The following STK39 variants were observed in gnomAD, a reference collection of about 807,000 sequenced individuals.
STK39 encodes serine/threonine kinase 39.
Under a neutral mutation model 77.8 loss-of-function variants are expected in STK39, and 20 were observed. That is an observed-to-expected ratio of 0.26 (90% CI 0.18 to 0.37). STK39 has a LOEUF of 0.37. Among genes scored for constraint, STK39 ranks in the 10% least tolerant of loss-of-function variants. STK39 has a pLI of 1.00. For missense variants in STK39, 479 were observed against 656.5 expected, an observed-to-expected ratio of 0.73 and a Z score of 2.95; for synonymous variants, 246 against 234.1, an observed-to-expected ratio of 1.05 and a Z score of -0.47.
chr2:168,071,990 G>T (rs116051629), intron 12 of STK39, among the ~76,000 whole-genome samples: 5 of 152,064 alleles, frequency 3.3e-5, no homozygotes, highest in African/African-American at 7.2e-5. Context: ...TAAGGGAATG[G>T]TATTTGTAAT....
chr2:168,012,167 G>GA (rs920759658), intron 16 of STK39, among the ~76,000 whole-genome samples: 6 of 150,466 alleles, frequency 4.0e-5, no homozygotes, highest in African/African-American at 1.5e-4. Context: ...AAGAGCTTTT[G>GA]AAAAAAAGAA....
intron 1 of STK39, among the ~76,000 whole-genome samples, chr2:168,186,311 G>A (rs916362863): frequency 6.6e-6 from 1 of 152,192 alleles, no homozygotes; most frequent in Admixed American, 6.5e-5. Flanking sequence ...ATACATTTCT[G>A]TTGTTTAAGC....
intron 2 of STK39, among the ~76,000 whole-genome samples, chr2:168,170,886 A>C (rs1355106997): frequency 2.0e-5 from 3 of 152,188 alleles, no homozygotes; most frequent in African/African-American, 7.2e-5. Context: ...AAAAGGGTAA[A>C]AACTTCATTG....
At chr2:168,081,654 CA>C (rs1315965093) in intron 10 of STK39, among the ~76,000 whole-genome samples, 1 of 152,034 alleles carries the variant, frequency 6.6e-6, no homozygotes, top group Non-Finnish European at 1.5e-5. Context: ...TGGGAGGGGC[CA>C]GGGGCAGAAT....
intron 1 of STK39, among the ~76,000 whole-genome samples, chr2:168,245,809 G>A (rs193244373): frequency 8.5e-5 from 13 of 152,316 alleles, no homozygotes; most frequent in Admixed American, 7.2e-4. Context: ...GTGACATGAA[G>A]ACTCATCCCT....
intron 5 of STK39, among the ~76,000 whole-genome samples, chr2:168,149,203 T>C (rs1375646837): frequency 6.6e-6 from 1 of 152,096 alleles, no homozygotes; most frequent in Non-Finnish European, 1.5e-5. Flanking sequence ...AGTAATACAG[T>C]ACAGGCCCTT....
intron 16 of STK39, among the ~76,000 whole-genome samples, chr2:167,965,176 ACATTTGAACC>A (rs1692120478): frequency 6.6e-6 from 1 of 152,154 alleles, no homozygotes; most frequent in African/African-American, 2.4e-5. Context: ...GAAGGTCAGC[ACATTTGAACC>A]CCTGTCCTAT....
chr2:168,066,793 G>A (rs1321028804), intron 12 of STK39, among the ~76,000 whole-genome samples: 3 of 152,192 alleles, frequency 2.0e-5, no homozygotes, highest in African/African-American at 7.2e-5. Context: ...TGAATACAAC[G>A]AGGGGACCAC....
intron 10 of STK39, among the ~76,000 whole-genome samples, chr2:168,120,713 C>T (rs994984943): frequency 6.6e-6 from 1 of 152,034 alleles, no homozygotes; most frequent in African/African-American, 2.4e-5. Flanking sequence ...TTATTTTGTC[C>T]CAACCACTAT....
At chr2:168,041,299 T>C (rs1198189978) in intron 14 of STK39, among the ~76,000 whole-genome samples, 1 of 150,368 alleles carries the variant, frequency 6.7e-6, no homozygotes, top group African/African-American at 2.4e-5. Context: ...TATTATTATA[T>C]TATTTAAAAT....
intron 1 of STK39, among the ~76,000 whole-genome samples, chr2:168,220,609 CAA>C (rs1197275352): frequency 6.6e-6 from 1 of 152,024 alleles, no homozygotes; most frequent in Non-Finnish European, 1.5e-5. Context: ...TAGTCAACGC[CAA>C]AAGAGATGTC....
chr2:168,224,038 A>G (rs1690245245), intron 1 of STK39, among the ~76,000 whole-genome samples: 4 of 152,110 alleles, frequency 2.6e-5, no homozygotes, highest in African/African-American at 9.7e-5. Context: ...TAAACACACA[A>G]ATATATCTTT....
intron 4 of STK39, among the ~76,000 whole-genome samples, chr2:168,162,146 C>T (rs573450331): frequency 1.3e-5 from 2 of 152,076 alleles, no homozygotes; most frequent in East Asian, 1.9e-4. Context: ...ATTAGTTGGG[C>T]ATGGTGGCAG....
At chr2:168,060,254 G>A (rs1685630268) in intron 14 of STK39, among the ~76,000 whole-genome samples, 1 of 152,096 alleles carries the variant, frequency 6.6e-6, no homozygotes, top group Non-Finnish European at 1.5e-5. Flanking sequence ...CAACTGCTAT[G>A]TACTGAATCG....
chr2:168,161,898 G>T, intron 4 of STK39, 56 bp from the exon 5 acceptor site: 1 of 1,291,712 alleles, frequency 7.7e-7, no homozygotes, highest in Non-Finnish European at 1.1e-6. Flanking sequence ...ATAGTGTATT[G>T]ATTCACTCAG....
chr2:168,105,750 G>C (rs1180756216), intron 10 of STK39, among the ~76,000 whole-genome samples: 1 of 152,074 alleles, frequency 6.6e-6, no homozygotes, highest in Non-Finnish European at 1.5e-5. Flanking sequence ...TAACCAAAAG[G>C]GCAAGACCTT....
rs1013650104 is a variant in STK39 at position 168,063,665 on chromosome 2, C to A, written c.1306-95G>T. 32 of 1,194,780 alleles carry A rather than the reference C, an allele frequency of 2.7e-5. No individual in the cohort carries two copies. The African/African-American group carries it at 5.0e-4, about 19-fold the overall frequency. 74.0% of individuals were successfully genotyped at this position (1,194,780 alleles called of 1,614,324 possible). On this transcript the variant is annotated intron_variant, in intron 13 of 17. Transcript: ENST00000355999. The stretch of plus-strand genomic sequence containing the variant: ...ACTTGATTCATATAGCCATTTCTTT[C>A]TGGAAATTTCAAAACTAGATCTTTA...
rs1044388562 is a variant in STK39 at position 168,200,495 on chromosome 2, T to C, written c.209-18405A>G. 5.5e-5 allele frequency among the ~76,000 whole-genome samples: 8 copies of C among 146,372 alleles called. No individual in the cohort carries two copies. In the South Asian group the frequency reaches 8.8e-4, roughly 16 times the overall value. On this transcript the variant is annotated intron_variant, in intron 1 of 17. Coordinates refer to ENST00000355999, the MANE Select transcript of STK39 (RefSeq NM_013233.3). ...GCCTGCCCAGCATGGTGAAACCCCA[T>C]CTCTACTAAAAATACAAAAAAAAAA...
intron 14 of STK39, among the ~76,000 whole-genome samples, chr2:168,017,617 C>G (rs1346154311): frequency 6.6e-6 from 1 of 152,046 alleles, no homozygotes; most frequent in Non-Finnish European, 1.5e-5. Flanking sequence ...GGTGATCCCC[C>G]CAGCCTCGGC....
Sources: allele counts gnomAD v4.1 joint callset (sites outside exome capture counted in the v4.1 genomes callset), GRCh38; gene constraint gnomAD v4.1.1; transcripts MANE v1.5; gene names NCBI Gene and HGNC (gene_info 2026-07-23, HGNC 2026-07-21).